IGSF10: variants seen among roughly 807,000 people sequenced by gnomAD.
IGSF10 encodes calvaria mechanical force protein 608.
A neutral mutation model predicts 128.2 loss-of-function variants in IGSF10; 126 were observed. The observed-to-expected ratio is 0.98, with a 90% confidence interval of 0.85 to 1.14. The LOEUF (loss-of-function observed/expected upper bound fraction) is 1.14. IGSF10 is among the 50% of genes most tolerant of loss of function. The probability of loss-of-function intolerance (pLI) is 0.00; values close to 1 mark genes in which losing one functional copy is unlikely to be tolerated. For missense variants in IGSF10, 3,295 were observed against 3,149.8 expected, an observed-to-expected ratio of 1.05 and a Z score of -1.10; for synonymous variants, 1,185 against 1,146.2, an observed-to-expected ratio of 1.03 and a Z score of -0.68.
the IGSF10 span, among the ~76,000 whole-genome samples, chr3:151,578,337 C>T: frequency 6.6e-6 from 1 of 152,078 alleles, no homozygotes; most frequent in Non-Finnish European, 1.5e-5. Flanking sequence ...ATGGCAAGTA[C>T]TCAACTCTGT....
At chr3:151,534,937 C>T in the IGSF10 span, among the ~76,000 whole-genome samples, 49 of 151,928 alleles carry the variant, frequency 3.2e-4, no homozygotes, top group African/African-American at 1.1e-3. Flanking sequence ...ACAGTAGTTA[C>T]AAGCATACAC....
the IGSF10 span, among the ~76,000 whole-genome samples, chr3:151,598,872 T>C: frequency 6.6e-6 from 1 of 152,178 alleles, no homozygotes; most frequent in Non-Finnish European, 1.5e-5. Context: ...TGCCATTTAA[T>C]TGAAAAAGTT....
chr3:151,461,271 C>T, upstream of IGSF10: 2 of 985,380 alleles, frequency 2.0e-6, no homozygotes, highest in Non-Finnish European at 2.4e-6. Flanking sequence ...AGAGCAGTTT[C>T]AGTGGCCGCC....
the IGSF10 span, among the ~76,000 whole-genome samples, chr3:151,475,373 G>C: frequency 1.3e-5 from 2 of 152,176 alleles, no homozygotes; most frequent in African/African-American, 4.8e-5. Flanking sequence ...AACCAAAAGG[G>C]GGGAAATGTT....
the IGSF10 span, among the ~76,000 whole-genome samples, chr3:151,598,108 T>TGA: frequency 3.4e-5 from 5 of 147,980 alleles, no homozygotes; most frequent in South Asian, 2.1e-4. Context: ...TGTGTGTGTG[T>TGA]GTGAATACTT....
At chr3:151,587,151 T>G in the IGSF10 span, among the ~76,000 whole-genome samples, 1 of 152,180 alleles carries the variant, frequency 6.6e-6, no homozygotes. Flanking sequence ...TCAACATCCA[T>G]GCAGCCTCTC....
Position 151,460,277 on chromosome 3 carries a change from G to T in IGSF10, c.-18C>A. ...TGGCAATACCTGAGCTCTTCTTTCA[G>T]GTCCTGAGTCCTCTTGTGACATAGG... On this transcript the variant is annotated 5_prime_UTR_variant, in exon 2 of 8. The change creates a new upstream start codon in the 5' untranslated region. Transcript: ENST00000282466. 1 of 974,826 alleles carries T rather than the reference G, an allele frequency of 1.0e-6. No individual in the cohort carries two copies. The allele number at this position is 974,826 out of a possible 1,614,324, so 60.4% of individuals were successfully genotyped here.
chr3:151,436,906 G>A lies in IGSF10; in HGVS notation c.7655C>T (p.Ala2552Val). The change falls in exon 8 of 8, where the codon GCC becomes GTC. Residue 2552 changes from alanine to valine, a missense_variant. Transcript: ENST00000282466. ...TGAAFQLHCVALGVPKPEITW... is the reference protein window; with the variant it reads ...TGAAFQLHCVVLGVPKPEITW... ...GATTTCTGGCTTGGGAACTCCCAAG[G>A]CCACACAGTGGAGCTGAAAGGCTGC... 6.2e-7 allele frequency: 1 copy of A among 1,614,146 alleles called. No individual in the cohort carries two copies. Among genetic ancestry groups the A allele is most frequent in the Non-Finnish European group, 8.5e-7 (1 of 1,180,006 alleles).
At chr3:151,523,420 C>T in the IGSF10 span, among the ~76,000 whole-genome samples, 16 of 152,310 alleles carry the variant, frequency 1.1e-4, no homozygotes, top group African/African-American at 3.8e-4. Flanking sequence ...TCAAACTGTA[C>T]TGCAGGGCTA....
At chr3:151,492,482 C>A in the IGSF10 span, among the ~76,000 whole-genome samples, 1 of 150,870 alleles carries the variant, frequency 6.6e-6, no homozygotes, top group Non-Finnish European at 1.5e-5. Flanking sequence ...GAACCATAAT[C>A]CCAGCACTTT....
At chr3:151,551,672 C>T in the IGSF10 span, among the ~76,000 whole-genome samples, 3 of 143,926 alleles carry the variant, frequency 2.1e-5, no homozygotes, top group Admixed American at 1.4e-4. Context: ...TACACACACA[C>T]ACACACACAC....
At chr3:151,495,686 A>G in the IGSF10 span, among the ~76,000 whole-genome samples, 2 of 152,124 alleles carry the variant, frequency 1.3e-5, no homozygotes, top group Non-Finnish European at 2.9e-5. Context: ...AAATAGGCCC[A>G]TGGAGTGAAA....
At chr3:151,499,073 T>C in the IGSF10 span, among the ~76,000 whole-genome samples, 3 of 152,174 alleles carry the variant, frequency 2.0e-5, no homozygotes, top group African/African-American at 7.2e-5. Flanking sequence ...TTTACTTTTG[T>C]ACATGTTTTC....
chr3:151,442,998 G>T lies in IGSF10; in HGVS notation c.5949C>A (p.Val1983=). ...TATAGACTTACCTATGCTGCTGGTC[G>T]ACCACAGCCTTGGATGGTAACCTCC... ...IMWRLPSKAV[V]DQQHRVGSWI... The change falls in exon 7 of 8, where the codon GTC becomes GTA. Residue 1983 remains valine (V), a synonymous_variant. Transcript: ENST00000282466. 6.2e-7 allele frequency: 1 copy of T among 1,613,418 alleles called. No individual in the cohort carries two copies. Among genetic ancestry groups the T allele is most frequent in the South Asian group, 1.1e-5 (1 of 90,962 alleles).
the IGSF10 span, among the ~76,000 whole-genome samples, chr3:151,619,724 G>T: frequency 6.6e-6 from 1 of 152,098 alleles, no homozygotes; most frequent in Non-Finnish European, 1.5e-5. Flanking sequence ...TGGAATATTT[G>T]GGAGGTGATT....
chr3:151,558,027 A>ATTATATATATATAATATATATATGTAT, the IGSF10 span, among the ~76,000 whole-genome samples: 1 of 52,932 alleles, frequency 1.9e-5, no homozygotes, highest in Non-Finnish European at 3.4e-5. Context: ...TAATATATAT[A>ATTATATATATATAATATATATATGTAT]TTGGTACAAT....
the IGSF10 span, among the ~76,000 whole-genome samples, chr3:151,508,211 A>C: frequency 6.6e-6 from 1 of 152,154 alleles, no homozygotes; most frequent in East Asian, 1.9e-4. Context: ...AAGTTACTTA[A>C]AAGTTTCAAA....
the IGSF10 span, among the ~76,000 whole-genome samples, chr3:151,503,464 TTA>T: frequency 9.9e-5 from 15 of 152,116 alleles, no homozygotes; most frequent in African/African-American, 3.6e-4. Context: ...TAAAATATAC[TTA>T]TATACAATAA....
the IGSF10 span, among the ~76,000 whole-genome samples, chr3:151,594,625 T>TCC: frequency 1.3e-5 from 2 of 150,234 alleles, no homozygotes; most frequent in African/African-American, 4.9e-5. Context: ...CCCGGCCCTT[T>TCC]TTTTTTTTTT....
Sources: allele counts gnomAD v4.1 joint callset (sites outside exome capture counted in the v4.1 genomes callset), GRCh38; gene constraint gnomAD v4.1.1; transcripts MANE v1.5; gene names NCBI Gene and HGNC (gene_info 2026-07-23, HGNC 2026-07-21).